The following GADL1 variants were observed in gnomAD, a reference collection of about 807,000 sequenced individuals.
The protein encoded by GADL1 is GAD like acidic amino acid decarboxylase 1, also known as acidic amino acid decarboxylase GADL1.
GADL1 carries 71 observed loss-of-function variants against 69.5 expected under a neutral mutation model. That is an observed-to-expected ratio of 1.02 (90% CI 0.84 to 1.25). GADL1 has a LOEUF of 1.25. Ranked by LOEUF, GADL1 falls within the 50% of genes most tolerant of loss-of-function variation. GADL1 has a pLI of 0.00. For synonymous variants in GADL1, 254 were observed against 214.4 expected, an observed-to-expected ratio of 1.18 and a Z score of -1.62; for missense variants, 737 against 631.8, an observed-to-expected ratio of 1.17 and a Z score of -1.79.
chr3:30,821,615 A>G (rs1427858930), intron 11 of GADL1, among the ~76,000 whole-genome samples: 1 of 152,088 alleles, frequency 6.6e-6, no homozygotes, highest in Admixed American at 6.6e-5. Context: ...AATCACACAA[A>G]GATGTTAAGT....
rs544830404 is a variant in GADL1 at position 30,855,526 on chromosome 3, C to T, written c.338-737G>A. On this transcript the variant is annotated intron_variant, in intron 3 of 14. Transcript: ENST00000282538. ...ATGGAGTAAGATGTGACTCACTATG[C>T]GGCTTACATACACTTCTGATTCAAT... Among the ~76,000 whole-genome samples the T allele has an allele frequency of 4.6e-5, 7 of 152,134 alleles. No individual in the cohort carries two copies. In the South Asian group the frequency reaches 6.2e-4, roughly 14 times the overall value.
intron 1 of GADL1, among the ~76,000 whole-genome samples, chr3:30,863,868 A>T (rs1698357771): frequency 6.6e-6 from 1 of 152,020 alleles, no homozygotes; most frequent in Admixed American, 6.6e-5. Context: ...TAATTCTGTT[A>T]TTGGCAAACA....
At chr3:30,754,554 G>T (rs1008229036) in intron 14 of GADL1, among the ~76,000 whole-genome samples, 1 of 152,076 alleles carries the variant, frequency 6.6e-6, no homozygotes, top group Non-Finnish European at 1.5e-5. Context: ...AGATGACAAA[G>T]AGTGTATTAC....
At position 30,876,497 on chromosome 3, in the gene GADL1, T is replaced by C. The variant is rs138576516; in HGVS notation, c.38-14732A>G. On this transcript the variant is annotated intron_variant, in intron 1 of 14. Coordinates refer to ENST00000282538, the MANE Select transcript of GADL1 (RefSeq NM_207359.3). ...ATTTCTGAATATTTAACACTTGTAA[T>C]GAACAAGTATGAGGTGGTTTCAGCA... is the stretch of plus-strand genomic sequence containing the variant. 5.9e-3 allele frequency among the ~76,000 whole-genome samples: 905 copies of C among 152,140 alleles called. 3 individuals carry two copies. Among genetic ancestry groups the C allele is most frequent in the Non-Finnish European group, 0.01 (691 of 67,928 alleles).
intron 12 of GADL1, among the ~76,000 whole-genome samples, chr3:30,788,969 A>T (rs1303876516): frequency 6.6e-6 from 1 of 152,156 alleles, no homozygotes; most frequent in East Asian, 1.9e-4. Context: ...GTCAACCATG[A>T]GAGTTGGAAT....
At chr3:30,859,527 G>C (rs2125536049) in intron 2 of GADL1, among the ~76,000 whole-genome samples, 1 of 151,986 alleles carries the variant, frequency 6.6e-6, no homozygotes. Flanking sequence ...GGATTGATTA[G>C]AGAGGGGCAC....
In GADL1 at chr3:30,834,340, G is replaced by T. The variant is rs562638108; in HGVS notation, c.904-59C>A. ...ATTTCAATGTTATTTGTTTACCAGTGGGTTGTCATAGAAAACCCTCAGTGA... is the reference window on the plus strand; with the variant it reads ...ATTTCAATGTTATTTGTTTACCAGTTGGTTGTCATAGAAAACCCTCAGTGA... On this transcript the variant is annotated intron_variant, in intron 9 of 14. Coordinates refer to ENST00000282538, the MANE Select transcript of GADL1 (RefSeq NM_207359.3). 64 of 1,438,428 alleles carry T rather than the reference G, an allele frequency of 4.4e-5. 1 individual carries two copies. The East Asian group carries it at 1.5e-3, about 33-fold the overall frequency. The allele number at this position is 1,438,428 out of a possible 1,614,324, so 89.1% of individuals were successfully genotyped here.
At chr3:30,768,555 GA>G (rs1696341297) in intron 14 of GADL1, among the ~76,000 whole-genome samples, 10 of 144,272 alleles carry the variant, frequency 6.9e-5, no homozygotes, top group Non-Finnish European at 1.4e-4. Context: ...AAGAGGGGGA[GA>G]GAGAAGGGGT....
chr3:30,773,806 G>T (rs1379444043), intron 14 of GADL1, among the ~76,000 whole-genome samples: 1 of 152,092 alleles, frequency 6.6e-6, no homozygotes, highest in Admixed American at 6.5e-5. Flanking sequence ...AAAAGGAATT[G>T]CTGAAAGATA....
intron 14 of GADL1, among the ~76,000 whole-genome samples, chr3:30,732,775 G>A (rs546218726): frequency 3.3e-5 from 5 of 152,198 alleles, no homozygotes; most frequent in African/African-American, 9.6e-5. Context: ...GTGTTTTTCA[G>A]GGTCGGGCAT....
intron 11 of GADL1, among the ~76,000 whole-genome samples, chr3:30,814,981 A>C (rs200766276): frequency 6.7e-6 from 1 of 148,490 alleles, no homozygotes; most frequent in Non-Finnish European, 1.5e-5. Context: ...AAAAAAAAAA[A>C]ATTTTTTTCA....
chr3:30,805,471 C>T (rs958874944), intron 11 of GADL1, among the ~76,000 whole-genome samples: 8 of 152,174 alleles, frequency 5.3e-5, no homozygotes, highest in African/African-American at 1.9e-4. Flanking sequence ...TTCCTATAAA[C>T]ATGACCTCTG....
At chr3:30,760,079 T>TTG (rs1696092037) in intron 14 of GADL1, among the ~76,000 whole-genome samples, 1 of 152,236 alleles carries the variant, frequency 6.6e-6, no homozygotes, top group South Asian at 2.1e-4. Context: ...AGTTTTGTGA[T>TTG]TGTTTCACAG....
intron 6 of GADL1, among the ~76,000 whole-genome samples, chr3:30,846,963 C>G (rs536468370): frequency 2.0e-5 from 3 of 152,276 alleles, no homozygotes; most frequent in African/African-American, 7.2e-5. Context: ...AGGAGCTAGC[C>G]CATTGATTAC....
chr3:30,753,485 A>G, intron 14 of GADL1, among the ~76,000 whole-genome samples: 1 of 145,216 alleles, frequency 6.9e-6, no homozygotes, highest in Non-Finnish European at 1.5e-5. Flanking sequence ...ATCCTAAAAA[A>G]CCAAATTTAA....
rs1208014655 is a variant in GADL1, at chr3:30,844,226, C to T, written c.770G>A (p.Trp257Ter). 1 of 1,612,832 alleles carries T rather than the reference C, an allele frequency of 6.2e-7. No homozygotes were observed. Among genetic ancestry groups the T allele is most frequent in the South Asian group, 1.1e-5 (1 of 90,848 alleles). ...CCCTCTCACCTCTTTTCTGGCTTGCCAGACTTGCTTCTCCAGTTCCTCAGG... is the reference window on the plus strand; with the variant it reads ...CCCTCTCACCTCTTTTCTGGCTTGCTAGACTTGCTTCTCCAGTTCCTCAGG... ...MIPEELEKQV[W>*]QARKEGAAPF... The change falls in exon 8 of 15, where the codon TGG becomes TAG. Residue 257 changes from tryptophan (W) to a stop codon, truncating the protein, a stop_gained. Coordinates refer to ENST00000282538, the MANE Select transcript of GADL1 (RefSeq NM_207359.3). LOFTEE classifies it high-confidence loss of function.
At chr3:30,889,624 C>CT (rs980651051) in intron 1 of GADL1, among the ~76,000 whole-genome samples, 9 of 151,762 alleles carry the variant, frequency 5.9e-5, no homozygotes, top group Admixed American at 1.3e-4. Flanking sequence ...TTCCAGTTAA[C>CT]TTTTTTTTTC....
chr3:30,826,798 A>G (rs1351194126), intron 11 of GADL1, among the ~76,000 whole-genome samples: 1 of 151,794 alleles, frequency 6.6e-6, no homozygotes, highest in Non-Finnish European at 1.5e-5. Context: ...AACAAAAATA[A>G]CTTCCTAGGG....
Position 30,840,768 on chromosome 3 carries a change from C to T in GADL1, c.787-1655G>A, listed in dbSNP as rs17026662. ...TACAGGACCAGAAATTAAACTTTTG[C>T]GATCTGGATTTAACCTAGACTTTCT... On this transcript the variant is annotated intron_variant, in intron 8 of 14. Coordinates refer to ENST00000282538, the MANE Select transcript of GADL1 (RefSeq NM_207359.3). 4.4e-3 allele frequency among the ~76,000 whole-genome samples: 666 copies of T among 152,272 alleles called. 8 individuals are homozygous for T. In the East Asian group the frequency reaches 0.074, roughly 17 times the overall value.
Sources: gnomAD v4.1 joint callset for allele counts (sites outside exome capture counted in the v4.1 genomes callset) on GRCh38, gnomAD v4.1.1 for gene constraint, MANE v1.5 for transcripts, NCBI Gene and HGNC (gene_info 2026-07-23, HGNC 2026-07-21) for gene names.